The following OSBPL3 variants were observed in gnomAD, a reference collection of about 807,000 sequenced individuals.
The protein encoded by OSBPL3 is oxysterol-binding protein-related protein 3.
OSBPL3 carries 65 observed loss-of-function variants against 120.1 expected under a neutral mutation model. The ratio of observed to expected loss-of-function variants is 0.54; its 90% CI spans 0.44 to 0.67. The LOEUF (loss-of-function observed/expected upper bound fraction) is 0.67, where lower values mean the gene tolerates loss of function less well. OSBPL3 is among the 30% of genes least tolerant of loss of function. The pLI is 0.00. For synonymous variants in OSBPL3, 416 were observed against 402.6 expected, an observed-to-expected ratio of 1.03 and a Z score of -0.40; for missense variants, 1,004 against 1,082.1, an observed-to-expected ratio of 0.93 and a Z score of 1.01.
chr7:24,796,706 C>G lies in OSBPL3; in HGVS notation c.*3477G>C, dbSNP rs1185579389. 6.6e-6 allele frequency: 1 copy of G among 151,988 alleles called. No homozygotes were observed. The highest frequency in any genetic ancestry group is 1.5e-5 in the Non-Finnish European group (1 of 68,006). The allele number at this position is 151,988 out of a possible 1,614,324, so 9.4% of individuals were successfully genotyped here. ...TTACAAATATCCATTAAAAAAGTAC[C>G]CTCTGGATAAAATAATCAGAAATAA... On this transcript the variant is annotated 3_prime_UTR_variant, in exon 23 of 23. Coordinates refer to ENST00000313367, the MANE Select transcript of OSBPL3 (RefSeq NM_015550.4). This position sits in a 1 kb window ranked among gnomAD's most constrained non-coding sequence, Gnocchi z 5.2.
rs1463576509 is a variant in OSBPL3 at position 24,892,277 on chromosome 7, A to C, written c.96+100T>G. On this transcript the variant is annotated intron_variant, in intron 2 of 22. Transcript: ENST00000313367. ...GAGATAACCAAAAGTAAATGCTCTT[A>C]AACTGAGAAGTAGGCTTTCCCAAGT... The C allele has an allele frequency of 4.1e-6, 5 of 1,212,052 alleles. No homozygotes were observed. The African/African-American group carries it at 7.4e-5, about 18-fold the overall frequency. 75.1% of individuals were successfully genotyped at this position (1,212,052 alleles called of 1,614,324 possible).
intron 10 of OSBPL3, among the ~76,000 whole-genome samples, chr7:24,857,064 A>G (rs77803907): frequency 0.017 from 2,621 of 152,274 alleles, 76 homozygotes; most frequent in African/African-American, 0.06. Flanking sequence ...TTTTTAATCT[A>G]TGAAAGAGGT....
chr7:24,898,561 T>C lies in OSBPL3; in HGVS notation c.-149-5940A>G, dbSNP rs1273173498. The stretch of plus-strand genomic sequence containing the variant: ...TCTATTCCCTGCTCCATCCATGGCC[T>C]TCACAATCCACTTCTTCAGGGGACA... On this transcript the variant is annotated intron_variant, in intron 1 of 22. Transcript: ENST00000313367. The surrounding 1 kb of genome is among the most constrained non-coding windows in gnomAD (Gnocchi z 4.3). Among the ~76,000 whole-genome samples the C allele has an allele frequency of 6.6e-6, 1 of 152,202 alleles. No homozygotes were observed. Among genetic ancestry groups the C allele is most frequent in the Non-Finnish European group, 1.5e-5 (1 of 68,044 alleles).
rs2128531181 is a variant in OSBPL3 at position 24,968,435 on chromosome 7, C to T, written c.-150+11451G>A. Among the ~76,000 whole-genome samples the T allele has an allele frequency of 6.6e-6, 1 of 152,294 alleles. No homozygotes were observed. The highest frequency in any genetic ancestry group is 1.5e-5 in the Non-Finnish European group (1 of 68,014). ...TTTTTGAGTCGGAGTCTCCCTCTGT[C>T]ACCCAGACTGGAGTGCAGTGGCGTG... On this transcript the variant is annotated intron_variant, in intron 1 of 22. Transcript: ENST00000313367. This position sits in a 1 kb window ranked among gnomAD's most constrained non-coding sequence, Gnocchi z 4.6.
In OSBPL3 at chr7:24,933,848, C is replaced by CAT. The variant is rs1812076139; in HGVS notation, c.-149-41229_-149-41228dup. Among the ~76,000 whole-genome samples the CAT allele has an allele frequency of 6.6e-6, 1 of 152,156 alleles. No individual in the cohort carries two copies. The highest frequency in any genetic ancestry group is 2.4e-5 in the African/African-American group (1 of 41,418). On this transcript the variant is annotated intron_variant, in intron 1 of 22. Transcript: ENST00000313367. The surrounding 1 kb of genome is among the most constrained non-coding windows in gnomAD (Gnocchi z 5.1). ...AATTTCAGTCAAATATACAGCGAAA[C>CAT]ATATATACACAAGAGCTATGCCACT... is the stretch of plus-strand genomic sequence containing the variant.
At chr7:24,853,864 AG>A (rs779623835) in intron 10 of OSBPL3, among the ~76,000 whole-genome samples, 8 of 152,122 alleles carry the variant, frequency 5.3e-5, no homozygotes, top group Non-Finnish European at 1.2e-4. Context: ...CTTTTCTGTA[AG>A]TTTGTAATTG....
chr7:24,806,875 T>A lies in OSBPL3; in HGVS notation c.2345A>T (p.Tyr782Phe), dbSNP rs1793111474. The change falls in exon 21 of 23, where the codon TAC (tyrosine) becomes TTC (phenylalanine). Residue 782 changes from tyrosine to phenylalanine, a missense_variant. By Grantham distance (22) the Tyr-to-Phe change is conservative. Coordinates refer to ENST00000313367, the MANE Select transcript of OSBPL3 (RefSeq NM_015550.4). This position sits in a 1 kb window ranked among gnomAD's most constrained non-coding sequence, Gnocchi z 5.2. Reference protein sequence around the residue: ...ANPMPKGYEQYYSFTQFALEL... With the variant: ...ANPMPKGYEQFYSFTQFALEL... ...CAGCGCAAACTGTGTGAAGCTATAG[T>A]ATTGCTCGTAGCCTTTCGGCATAGG... 2 of 1,613,432 alleles carry A rather than the reference T, an allele frequency of 1.2e-6. No individual in the cohort carries two copies. The highest frequency in any genetic ancestry group is 1.7e-6 in the Non-Finnish European group (2 of 1,179,586).
intron 1 of OSBPL3, among the ~76,000 whole-genome samples, chr7:24,948,092 C>G (rs1371057909): frequency 6.6e-6 from 1 of 152,182 alleles, no homozygotes; most frequent in Non-Finnish European, 1.5e-5. Context: ...GAGCTAACAA[C>G]AAGGACACAT....
chr7:24,798,796 T>C lies in OSBPL3; in HGVS notation c.*1387A>G, dbSNP rs1791980587. The C allele has an allele frequency of 6.5e-6, 1 of 152,682 alleles. No homozygotes were observed. Among genetic ancestry groups the C allele is most frequent in the African/African-American group, 2.4e-5 (1 of 41,478 alleles). 9.5% of individuals were successfully genotyped at this position (152,682 alleles called of 1,614,324 possible). ...GAGAAATCTTTTTACTACATCATTA[T>C]ACTTGATATTCCATAGCATTGCTAT... On this transcript the variant is annotated 3_prime_UTR_variant, in exon 23 of 23. Coordinates refer to ENST00000313367, the MANE Select transcript of OSBPL3 (RefSeq NM_015550.4). The surrounding 1 kb of genome is among the most constrained non-coding windows in gnomAD (Gnocchi z 4.6).
Position 24,883,982 on chromosome 7 carries a change from TA to T in OSBPL3, c.96+8394del, listed in dbSNP as rs1224446752. On this transcript the variant is annotated intron_variant, in intron 2 of 22. Coordinates refer to ENST00000313367, the MANE Select transcript of OSBPL3 (RefSeq NM_015550.4). This position sits in a 1 kb window ranked among gnomAD's most constrained non-coding sequence, Gnocchi z 5.4. ...AAAGGTCAGCAGTAAGGAGGAGAAG[TA>T]AAAGGCCCAGAAAATGAGAATCTAG... is the stretch of plus-strand genomic sequence containing the variant. 8.6e-5 allele frequency among the ~76,000 whole-genome samples: 13 copies of T among 151,996 alleles called. No individual in the cohort carries two copies. Among genetic ancestry groups the T allele is most frequent in the Admixed American group, 7.2e-4 (11 of 15,260 alleles).
In OSBPL3 at chr7:24,936,262, C is replaced by T. The variant is rs1435901998; in HGVS notation, c.-150+43624G>A. ...GCGAATATTTCAAAGGAAGCTGAGA[C>T]AGTGAATACAGGCTGTTACTTAGGG... On this transcript the variant is annotated intron_variant, in intron 1 of 22. Coordinates refer to ENST00000313367, the MANE Select transcript of OSBPL3 (RefSeq NM_015550.4). This position sits in a 1 kb window ranked among gnomAD's most constrained non-coding sequence, Gnocchi z 4.2. Among the ~76,000 whole-genome samples, 1 of 152,152 alleles carries T rather than the reference C, an allele frequency of 6.6e-6. No individual in the cohort carries two copies. Among genetic ancestry groups the T allele is most frequent in the Non-Finnish European group, 1.5e-5 (1 of 68,046 alleles).
At position 24,953,369 on chromosome 7, in the gene OSBPL3, T is replaced by A. The variant is rs1814669752; in HGVS notation, c.-150+26517A>T. ...TTCAAAAAAAATTATACCAGCAGGT[T>A]CTAATTTCCTATCCCTGCCAGAAAG... On this transcript the variant is annotated intron_variant, in intron 1 of 22. Coordinates refer to ENST00000313367, the MANE Select transcript of OSBPL3 (RefSeq NM_015550.4). The surrounding 1 kb of genome is among the most constrained non-coding windows in gnomAD (Gnocchi z 4.3). 2.0e-5 allele frequency among the ~76,000 whole-genome samples: 3 copies of A among 152,214 alleles called. No homozygotes were observed. Among genetic ancestry groups the A allele is most frequent in the Admixed American group, 2.0e-4 (3 of 15,282 alleles).
chr7:24,899,167 T>C lies in OSBPL3; in HGVS notation c.-149-6546A>G, dbSNP rs778583085. ...CCCTTGTGATCCCAGATGTTCAACT[T>C]TGATCACCCTTCAATTTGTGCTTCT... On this transcript the variant is annotated intron_variant, in intron 1 of 22. Transcript: ENST00000313367. The surrounding 1 kb of genome is among the most constrained non-coding windows in gnomAD (Gnocchi z 4.0). Among the ~76,000 whole-genome samples, 1 of 152,212 alleles carries C rather than the reference T, an allele frequency of 6.6e-6. No individual in the cohort carries two copies. The highest frequency in any genetic ancestry group is 1.5e-5 in the Non-Finnish European group (1 of 68,038).
At chr7:24,864,850 T>A (rs944269768) in intron 7 of OSBPL3, among the ~76,000 whole-genome samples, 1 of 152,134 alleles carries the variant, frequency 6.6e-6, no homozygotes, top group African/African-American at 2.4e-5. Context: ...ATTAGTGATA[T>A]CAGGGCCCTA....
In OSBPL3 at chr7:24,852,528, A is replaced by G. The variant is rs139112654; in HGVS notation, c.1134T>C (p.Ile378=). 883 of 1,597,930 alleles carry G rather than the reference A, an allele frequency of 5.5e-4. 4 individuals are homozygous for G. The African/African-American group carries it at 0.01, about 19-fold the overall frequency. Residue 378 remains isoleucine (I), a synonymous_variant, in exon 11 of 23, where the codon ATT becomes ATC. Coordinates refer to ENST00000313367, the MANE Select transcript of OSBPL3 (RefSeq NM_015550.4). This position sits in a 1 kb window ranked among gnomAD's most constrained non-coding sequence, Gnocchi z 4.1. ...CGGATGACAGGGCGTTCTTCAGACCAATGACCTGAGCAGACGGGGAGGAGG... is the reference window on the plus strand; with the variant it reads ...CGGATGACAGGGCGTTCTTCAGACCGATGACCTGAGCAGACGGGGAGGAGG... ...DASSSPSAQV[I]GLKNALSSAL... is the part of the protein sequence containing the mutation.
At position 24,962,168 on chromosome 7, in the gene OSBPL3, T is replaced by C. The variant is rs540606916; in HGVS notation, c.-150+17718A>G. On this transcript the variant is annotated intron_variant, in intron 1 of 22. Coordinates refer to ENST00000313367, the MANE Select transcript of OSBPL3 (RefSeq NM_015550.4). ...TAATACAAAAATTAGCCAGGCATGGTGGGGCATGCCTGTAATCCCAGCTAC... is the reference window on the plus strand; with the variant it reads ...TAATACAAAAATTAGCCAGGCATGGCGGGGCATGCCTGTAATCCCAGCTAC... Among the ~76,000 whole-genome samples the C allele has an allele frequency of 3.3e-3, 497 of 151,544 alleles. 1 individual carries two copies. Among genetic ancestry groups the C allele is most frequent in the African/African-American group, 0.012 (479 of 41,242 alleles).
intron 1 of OSBPL3, among the ~76,000 whole-genome samples, chr7:24,950,663 A>G (rs994990195): frequency 6.6e-6 from 1 of 152,270 alleles, no homozygotes; most frequent in Non-Finnish European, 1.5e-5. Flanking sequence ...CGAAGCTTGC[A>G]GTGAGCGGAG....
intron 1 of OSBPL3, among the ~76,000 whole-genome samples, chr7:24,943,004 A>T (rs1204851741): frequency 6.6e-6 from 1 of 152,232 alleles, no homozygotes; most frequent in African/African-American, 2.4e-5. Context: ...GTAAGATGCT[A>T]TGGCAATGCC....
At chr7:24,929,935 G>A (rs1226486659) in intron 1 of OSBPL3, among the ~76,000 whole-genome samples, 1 of 151,974 alleles carries the variant, frequency 6.6e-6, no homozygotes, top group Non-Finnish European at 1.5e-5. Context: ...GTTCAGCCTC[G>A]TATATCTAGC....
Sources: gnomAD v4.1 joint callset for allele counts (sites outside exome capture counted in the v4.1 genomes callset) on GRCh38, gnomAD v4.1.1 for gene constraint, Gnocchi (gnomAD v3.1) non-coding constraint, MANE v1.5 for transcripts, NCBI Gene and HGNC (gene_info 2026-07-23, HGNC 2026-07-21) for gene names.